ANTXR1: variants seen among roughly 807,000 people sequenced by gnomAD.
ANTXR1 encodes ANTXR cell adhesion molecule 1.
Under a neutral mutation model 78.1 loss-of-function variants are expected in ANTXR1, and 19 were observed. That is an observed-to-expected ratio of 0.24 (90% confidence interval 0.17 to 0.36). ANTXR1 has a LOEUF of 0.36. ANTXR1 is among the 10% of genes least tolerant of loss of function. ANTXR1 has a pLI of 1.00. For synonymous variants in ANTXR1, 273 were observed against 260.5 expected, an observed-to-expected ratio of 1.05 and a Z score of -0.46; for missense variants, 518 against 718.6, an observed-to-expected ratio of 0.72 and a Z score of 3.19.
intron 1 of ANTXR1, among the ~76,000 whole-genome samples, chr2:69,029,043 C>T (rs995252346): frequency 1.0e-5 from 1 of 95,636 alleles, no homozygotes; most frequent in Non-Finnish European, 1.7e-5. Flanking sequence ...ATGTTGAGAC[C>T]CCCCCCCCTC....
intron 14 of ANTXR1, among the ~76,000 whole-genome samples, chr2:69,174,306 A>G (rs1358407688): frequency 6.6e-6 from 1 of 152,242 alleles, no homozygotes; most frequent in African/African-American, 2.4e-5. Context: ...GTGCGCTGAT[A>G]GCAAGTGTGA....
At chr2:69,017,581 C>A (rs1486358414) in intron 1 of ANTXR1, among the ~76,000 whole-genome samples, 1 of 152,170 alleles carries the variant, frequency 6.6e-6, no homozygotes, top group East Asian at 1.9e-4. Context: ...GCAAAGACTT[C>A]ATAATGATAA....
At chr2:69,096,399 A>G (rs1000398183) in intron 9 of ANTXR1, among the ~76,000 whole-genome samples, 2 of 142,402 alleles carry the variant, frequency 1.4e-5, no homozygotes, top group Non-Finnish European at 3.1e-5. Context: ...GAAGGAAGGA[A>G]GGAAGGAAAT....
intron 17 of ANTXR1, among the ~76,000 whole-genome samples, chr2:69,204,193 C>T (rs982591983): frequency 6.6e-6 from 1 of 152,190 alleles, no homozygotes; most frequent in Non-Finnish European, 1.5e-5. Context: ...AATTAAGAAT[C>T]ATCAGAATCC....
chr2:69,107,205 C>G (rs762970446), intron 10 of ANTXR1, among the ~76,000 whole-genome samples: 30 of 151,910 alleles, frequency 2.0e-4, no homozygotes, highest in Non-Finnish European at 3.5e-4. Flanking sequence ...CAGATATGTA[C>G]TGTTCCAGAG....
chr2:69,095,923 C>T (rs72897380), intron 9 of ANTXR1, among the ~76,000 whole-genome samples: 2,508 of 152,144 alleles, frequency 0.016, 66 homozygotes, highest in African/African-American at 0.056. Context: ...GGAACTCTTA[C>T]TGGGGAGAGG....
chr2:69,103,012 C>A, intron 10 of ANTXR1, 72 bp downstream of exon 10: 2 of 1,391,522 alleles, frequency 1.4e-6, no homozygotes, highest in Non-Finnish European at 2.0e-6. Flanking sequence ...CCCTTGTCTT[C>A]CAGCAAGGCC....
chr2:69,136,034 TA>T (rs1381937815), intron 12 of ANTXR1, among the ~76,000 whole-genome samples: 1 of 152,138 alleles, frequency 6.6e-6, no homozygotes, highest in African/African-American at 2.4e-5. Flanking sequence ...TTAACATCTC[TA>T]AAATTGATAT....
chr2:69,073,874 G>A (rs1670648998), intron 6 of ANTXR1, among the ~76,000 whole-genome samples: 1 of 152,200 alleles, frequency 6.6e-6, no homozygotes, highest in Non-Finnish European at 1.5e-5. Context: ...CAGGCCCAAG[G>A]TAGAAAGAAA....
chr2:69,098,065 C>T (rs2104304934), intron 9 of ANTXR1, among the ~76,000 whole-genome samples: 2 of 152,192 alleles, frequency 1.3e-5, no homozygotes, highest in South Asian at 4.1e-4. Flanking sequence ...AGAGAGCAGA[C>T]CAGTGGTTGT....
At position 69,015,027 on chromosome 2, in the gene ANTXR1, G is replaced by A. The variant is rs1317545100; in HGVS notation, c.152+1376G>A. 9.0e-4 allele frequency among the ~76,000 whole-genome samples: 135 copies of A among 150,334 alleles called. 1 individual carries two copies. The highest frequency in any genetic ancestry group is 5.9e-5 in the Non-Finnish European group (4 of 67,840). ...AAACAGTCGGAGGTGCTCCTCCTCC[G>A]TGCTTTTTTAAAAAGCCAATTCAGA... On this transcript the variant is annotated intron_variant, in intron 1 of 17. Transcript: ENST00000303714.
intron 10 of ANTXR1, among the ~76,000 whole-genome samples, chr2:69,113,748 A>G (rs917850089): frequency 6.6e-6 from 1 of 152,250 alleles, no homozygotes; most frequent in Non-Finnish European, 1.5e-5. Context: ...TACTGCCACA[A>G]GGGTTCGTGT....
intron 10 of ANTXR1, among the ~76,000 whole-genome samples, chr2:69,116,108 C>A (rs907281758): frequency 6.6e-6 from 1 of 152,214 alleles, no homozygotes; most frequent in African/African-American, 2.4e-5. Flanking sequence ...ATCTCTTTTT[C>A]TAGAGTTTAA....
chr2:69,244,582 G>A (rs1032792198), intron 17 of ANTXR1, among the ~76,000 whole-genome samples: 1 of 152,198 alleles, frequency 6.6e-6, no homozygotes, highest in African/African-American at 2.4e-5. Flanking sequence ...GGGCACAGAC[G>A]AGGTAAATGC....
intron 4 of ANTXR1, among the ~76,000 whole-genome samples, chr2:69,071,020 G>T (rs1309176279): frequency 4.6e-5 from 7 of 152,280 alleles, no homozygotes; most frequent in Non-Finnish European, 7.4e-5. Context: ...AATGTCCTTT[G>T]TTGGATGTCA....
intron 17 of ANTXR1, among the ~76,000 whole-genome samples, chr2:69,195,339 A>G (rs1674645955): frequency 6.6e-6 from 1 of 152,164 alleles, no homozygotes; most frequent in Admixed American, 6.5e-5. Context: ...CACAGCTAAC[A>G]CTAGAGAACA....
intron 3 of ANTXR1, among the ~76,000 whole-genome samples, chr2:69,050,297 AAAATAAATAAAT>A (rs374411711): frequency 2.0e-5 from 3 of 151,696 alleles, no homozygotes; most frequent in Admixed American, 1.3e-4. Flanking sequence ...TGCTGTATCA[AAAATAAATAAAT>A]AAATAAATAA....
intron 12 of ANTXR1, among the ~76,000 whole-genome samples, chr2:69,130,763 G>A (rs546858085): frequency 7.2e-5 from 11 of 152,214 alleles, no homozygotes; most frequent in South Asian, 2.1e-4. Flanking sequence ...TACATGTCCC[G>A]TGGCTTATAA....
chr2:69,085,450 C>A (rs932063035), intron 8 of ANTXR1, among the ~76,000 whole-genome samples: 1 of 152,042 alleles, frequency 6.6e-6, no homozygotes, highest in African/African-American at 2.4e-5. Context: ...GGGAGTATTA[C>A]AAGATGCAGC....
Sources: gnomAD v4.1 joint callset for allele counts (sites outside exome capture counted in the v4.1 genomes callset) on GRCh38, gnomAD v4.1.1 for gene constraint, MANE v1.5 for transcripts, NCBI Gene and HGNC (gene_info 2026-07-23, HGNC 2026-07-21) for gene names.